Variants in PIK3CD observed in about 807,000 individuals in gnomAD.
PIK3CD encodes the protein phosphatidylinositol 4,5-bisphosphate 3-kinase catalytic subunit delta isoform.
PIK3CD carries 20 observed loss-of-function variants against 122.9 expected under a neutral mutation model. The ratio of observed to expected loss-of-function variants is 0.16; its 90% CI spans 0.11 to 0.24. The LOEUF (loss-of-function observed/expected upper bound fraction) is 0.24, where lower values mean the gene tolerates loss of function less well. PIK3CD is among the 10% of genes least tolerant of loss of function. The probability of loss-of-function intolerance (pLI) is 1.00; values close to 1 mark genes in which losing one functional copy is unlikely to be tolerated. For missense variants in PIK3CD, 787 were observed against 1,406.3 expected, an observed-to-expected ratio of 0.56 and a Z score of 7.04; for synonymous variants, 596 against 593.4, an observed-to-expected ratio of 1.00 and a Z score of -0.06.
the PIK3CD span, among the ~76,000 whole-genome samples, chr1:9,632,262 T>C: frequency 6.6e-6 from 1 of 152,178 alleles, no homozygotes; most frequent in African/African-American, 2.4e-5. Flanking sequence ...TCTACCTGCC[T>C]CTGCCTCCTA....
intron 2 of PIK3CD, chr1:9,691,896 G>T (rs973786605): frequency 4.4e-6 from 1 of 226,750 alleles, no homozygotes; most frequent in Non-Finnish European, 8.5e-6. Context: ...CCACGGTAGC[G>T]TTGGACTCGC....
At chr1:9,663,080 T>C (rs982032648) in intron 1 of PIK3CD, among the ~76,000 whole-genome samples, 3 of 152,224 alleles carry the variant, frequency 2.0e-5, no homozygotes, top group Admixed American at 1.3e-4. Context: ...CAGCGTGTTC[T>C]GTGGTCTGAA....
chr1:9,660,290 C>T (rs1282389653), intron 1 of PIK3CD, among the ~76,000 whole-genome samples: 5 of 152,316 alleles, frequency 3.3e-5, no homozygotes, highest in Admixed American at 6.5e-5. Context: ...AATAATGCTG[C>T]GTTGTGAACA....
the PIK3CD span, among the ~76,000 whole-genome samples, chr1:9,644,996 C>T: frequency 6.8e-6 from 1 of 146,612 alleles, no homozygotes; most frequent in East Asian, 2.0e-4. Flanking sequence ...GATCTCCAGG[C>T]CTATTTTTCT....
Position 9,724,495 on chromosome 1 carries a change from G to C in PIK3CD, c.2864+74G>C. ...GGAACAGGGCAGAGGTTCCCAGGCA[G>C]GGTGCAGGATGGGGCTCAGGTCTCA... On this transcript the variant is annotated intron_variant, in intron 22 of 23. Transcript: ENST00000377346. The surrounding 1 kb of genome is among the most constrained non-coding windows in gnomAD (Gnocchi z 7.3). The C allele has an allele frequency of 6.4e-7, 1 of 1,557,794 alleles. No individual in the cohort carries two copies. Among genetic ancestry groups the C allele is most frequent in the South Asian group, 1.1e-5 (1 of 89,228 alleles).
rs201756280 is a variant in PIK3CD, at chr1:9,710,777, GGTTTGTTT to G, written c.141+198_141+205del. On this transcript the variant is annotated intron_variant, in intron 3 of 23. Coordinates refer to ENST00000377346, the MANE Select transcript of PIK3CD (RefSeq NM_005026.5). This position sits in a 1 kb window ranked among gnomAD's most constrained non-coding sequence, Gnocchi z 4.7. ...ATGAGAATTTTAAAAGATAAATAAT[GGTTTGTTT>G]GTTTGTTTGTTTGTTTTGAGACGGA... 2.0e-5 allele frequency among the ~76,000 whole-genome samples: 3 copies of G among 151,858 alleles called. No individual in the cohort carries two copies. The highest frequency in any genetic ancestry group is 4.8e-5 in the African/African-American group (2 of 41,350).
chr1:9,648,565 C>T (rs1488530919), upstream of PIK3CD, among the ~76,000 whole-genome samples: 1 of 152,238 alleles, frequency 6.6e-6, no homozygotes, highest in Non-Finnish European at 1.5e-5. Flanking sequence ...CCTTCTGAAA[C>T]GTCCATTTGT....
chr1:9,669,203 C>T (rs368032367), intron 1 of PIK3CD, among the ~76,000 whole-genome samples: 2 of 152,298 alleles, frequency 1.3e-5, no homozygotes, highest in African/African-American at 4.8e-5. Context: ...AGGTCTTGCT[C>T]TGTCACCCAG....
chr1:9,639,974 G>T, the PIK3CD span, among the ~76,000 whole-genome samples: 1,087 of 151,968 alleles, frequency 7.2e-3, 24 homozygotes, highest in Admixed American at 0.045. Context: ...ACTCCTCAGT[G>T]TAGACAATCC....
intron 1 of PIK3CD, among the ~76,000 whole-genome samples, chr1:9,683,028 G>A (rs1203041318): frequency 2.0e-5 from 3 of 148,870 alleles, no homozygotes; most frequent in African/African-American, 7.5e-5. Context: ...CTGGGATTGG[G>A]CCCTGGACCT....
At chr1:9,642,701 A>G in the PIK3CD span, among the ~76,000 whole-genome samples, 2 of 148,416 alleles carry the variant, frequency 1.3e-5, no homozygotes, top group Non-Finnish European at 3.0e-5. Context: ...TGGGCGAAAG[A>G]GCGAGACTCT....
chr1:9,720,521 A>C lies in PIK3CD; in HGVS notation c.1471-90A>C. ...CCATGCAGAGGACAGCGCCCCCTCAAGGATGATTGGGGTGGCAATGCCCGG... is the reference window on the plus strand; with the variant it reads ...CCATGCAGAGGACAGCGCCCCCTCACGGATGATTGGGGTGGCAATGCCCGG... On this transcript the variant is annotated intron_variant, in intron 11 of 23. Transcript: ENST00000377346. The surrounding 1 kb of genome is among the most constrained non-coding windows in gnomAD (Gnocchi z 9.0). 1 of 1,542,462 alleles carries C rather than the reference A, an allele frequency of 6.5e-7. No homozygotes were observed. The highest frequency in any genetic ancestry group is 1.2e-5 in the South Asian group (1 of 83,346).
chr1:9,688,883 T>C (rs1302871283), intron 1 of PIK3CD, among the ~76,000 whole-genome samples: 7 of 152,106 alleles, frequency 4.6e-5, no homozygotes, highest in Non-Finnish European at 1.5e-5. Context: ...ACAAGGATTG[T>C]CTCGGTGTTG....
chr1:9,645,928 T>TTTTTTA, the PIK3CD span, among the ~76,000 whole-genome samples: 7 of 151,634 alleles, frequency 4.6e-5, no homozygotes, highest in East Asian at 3.9e-4. Context: ...TATTTTTTAT[T>TTTTTTA]TTTTTATTTT....
intron 1 of PIK3CD, among the ~76,000 whole-genome samples, chr1:9,667,908 G>GTTTTTTTTTTT (rs745429754): frequency 3.6e-5 from 2 of 55,168 alleles, no homozygotes; most frequent in African/African-American, 6.0e-5. Context: ...GCTAATTTTT[G>GTTTTTTTTTTT]TTTTTTTTTT....
At chr1:9,711,332 T>G (rs1162151599) in intron 3 of PIK3CD, among the ~76,000 whole-genome samples, 2 of 152,282 alleles carry the variant, frequency 1.3e-5, no homozygotes, top group East Asian at 3.9e-4. Context: ...TGAGCTCAAG[T>G]GATCCACCCG....
In PIK3CD at chr1:9,723,256, A is replaced by G. The variant is rs1194777620; in HGVS notation, c.2558A>G (p.Asp853Gly). The G allele has an allele frequency of 1.2e-6, 2 of 1,614,074 alleles. No homozygotes were observed. Among genetic ancestry groups the G allele is most frequent in the African/African-American group, 1.3e-5 (1 of 75,064 alleles). ...NMAATAAFNKDALLNWLKSKN... is the reference protein window; with the variant it reads ...NMAATAAFNKGALLNWLKSKN... ...GCAGCCACAGCCGCCTTCAACAAGGATGCCCTGCTCAACTGGCTGAAGTCC... is the reference window on the plus strand; with the variant it reads ...GCAGCCACAGCCGCCTTCAACAAGGGTGCCCTGCTCAACTGGCTGAAGTCC... Residue 853 changes from aspartate to glycine, a missense_variant, in exon 20 of 24, where the codon GAT becomes GGT. Coordinates refer to ENST00000377346, the MANE Select transcript of PIK3CD (RefSeq NM_005026.5). The surrounding 1 kb of genome is among the most constrained non-coding windows in gnomAD (Gnocchi z 4.9).
chr1:9,666,216 C>G (rs188896650), intron 1 of PIK3CD, among the ~76,000 whole-genome samples: 1,821 of 148,364 alleles, frequency 0.012, 23 homozygotes, highest in Non-Finnish European at 0.019. Context: ...GCATGAGCCA[C>G]CGCGCCCGGT....
the PIK3CD span, among the ~76,000 whole-genome samples, chr1:9,632,986 T>G: frequency 6.7e-6 from 1 of 150,060 alleles, no homozygotes. Flanking sequence ...CTCAGCCACC[T>G]GAGTAGCTGA....
Sources: gnomAD v4.1 joint callset for allele counts (sites outside exome capture counted in the v4.1 genomes callset) on GRCh38, gnomAD v4.1.1 for gene constraint, Gnocchi (gnomAD v3.1) non-coding constraint, MANE v1.5 for transcripts, NCBI Gene and HGNC (gene_info 2026-07-23, HGNC 2026-07-21) for gene names.